DNMT3B: variants seen among roughly 807,000 people sequenced by gnomAD.
DNMT3B encodes DNA (cytosine-5)-methyltransferase 3B.
DNMT3B carries 37 observed loss-of-function variants against 120.2 expected under a neutral mutation model. The ratio of observed to expected loss-of-function variants is 0.31; its 90% CI spans 0.24 to 0.40. The LOEUF is 0.40. DNMT3B is among the 10% of genes least tolerant of loss of function. DNMT3B has a pLI of 1.00. For synonymous variants in DNMT3B, 412 were observed against 442.8 expected (o/e 0.93, Z 0.87); for missense variants, 878 against 1,137.3 (o/e 0.77, Z 3.28).
chr20:32,780,500 C>G (rs529125414), intron 2 of DNMT3B, 35 bp downstream of exon 2: 1 of 1,606,398 alleles, frequency 6.2e-7, no homozygotes, highest in African/African-American at 1.3e-5. Context: ...TGGTGTCAGG[C>G]GCTGACATAG....
At chr20:32,778,152 C>A (rs1374912352) in intron 1 of DNMT3B, among the ~76,000 whole-genome samples, 2 of 152,146 alleles carry the variant, frequency 1.3e-5, no homozygotes, top group Non-Finnish European at 2.9e-5. Flanking sequence ...TCCTGGCCAA[C>A]ATGGTGAAAC....
chr20:32,772,410 G>A (rs1022062603), intron 1 of DNMT3B, among the ~76,000 whole-genome samples: 2 of 152,218 alleles, frequency 1.3e-5, no homozygotes, highest in African/African-American at 4.8e-5. Flanking sequence ...GCAGCCTGCT[G>A]TGAGGGAGGG....
chr20:32,800,308 G>A lies in DNMT3B; in HGVS notation c.1905+10G>A, dbSNP rs1313937618. On this transcript the variant is annotated intron_variant, in intron 17 of 22. Coordinates refer to ENST00000328111, the MANE Select transcript of DNMT3B (RefSeq NM_006892.4). ...CATCACAAAGAAAAATGTGAGGGCA[G>A]TCTGTACCTTGCGGGCCTCATCTCT... 4 of 1,613,980 alleles carry A rather than the reference G, an allele frequency of 2.5e-6. No homozygotes were observed. Among genetic ancestry groups the A allele is most frequent in the South Asian group, 2.2e-5 (2 of 91,090 alleles).
intron 20 of DNMT3B, among the ~76,000 whole-genome samples, chr20:32,803,835 A>G (rs1490668494): frequency 6.6e-6 from 1 of 152,150 alleles, no homozygotes; most frequent in African/African-American, 2.4e-5. Flanking sequence ...TTAATGTGGT[A>G]CCGCTGAAAT....
At position 32,808,605 on chromosome 20, in the gene DNMT3B, GGGGCC is replaced by G. The variant is rs1982209954; in HGVS notation, c.*703_*707del. 1 of 231,350 alleles carries G rather than the reference GGGGCC, an allele frequency of 4.3e-6. No individual in the cohort carries two copies. Among genetic ancestry groups the G allele is most frequent in the Non-Finnish European group, 8.6e-6 (1 of 116,858 alleles). 14.3% of individuals were successfully genotyped at this position (231,350 alleles called of 1,614,324 possible). ...TTTTTCCCCCACAAACCCAAGGGCAGGGGCCACTCTTAGCTAAATCCCTCCCCGTG... is the reference window on the plus strand; with the variant it reads ...TTTTTCCCCCACAAACCCAAGGGCAGACTCTTAGCTAAATCCCTCCCCGTG... On this transcript the variant is annotated 3_prime_UTR_variant, in exon 23 of 23. Coordinates refer to ENST00000328111, the MANE Select transcript of DNMT3B (RefSeq NM_006892.4).
At chr20:32,777,035 G>A (rs988748160) in intron 1 of DNMT3B, among the ~76,000 whole-genome samples, 1 of 152,188 alleles carries the variant, frequency 6.6e-6, no homozygotes, top group Admixed American at 6.5e-5. Flanking sequence ...AAGGCAATGA[G>A]GGTAGTTAAT....
intron 10 of DNMT3B, 145 bp downstream of exon 10, chr20:32,793,740 C>T (rs899744260): frequency 4.4e-6 from 4 of 918,168 alleles, no homozygotes; most frequent in Non-Finnish European, 6.9e-6. Flanking sequence ...TCACATCCCA[C>T]CCTCACAAAT....
chr20:32,788,913 G>T lies in DNMT3B; in HGVS notation c.714G>T (p.Trp238Cys), dbSNP rs1979643369. ...GGGGAAAGATCAAGGGCTTCTCCTG[G>T]TGGCCCGCCATGGTGGTGTCTTGGA... Reference protein sequence around the residue: ...LVWGKIKGFSWWPAMVVSWKA... With the variant: ...LVWGKIKGFSCWPAMVVSWKA... The change falls in exon 7 of 23, where the codon TGG becomes TGT. Residue 238 changes from tryptophan to cysteine, a missense_variant. Transcript: ENST00000328111. The T allele has an allele frequency of 6.2e-7, 1 of 1,613,702 alleles. No individual in the cohort carries two copies.
At chr20:32,777,398 C>A (rs1393812021) in intron 1 of DNMT3B, among the ~76,000 whole-genome samples, 3 of 152,168 alleles carry the variant, frequency 2.0e-5, no homozygotes, top group Admixed American at 2.0e-4. Context: ...AGACTCCTGT[C>A]TGGCTTCTTG....
In DNMT3B at chr20:32,775,451, C is replaced by G. The variant is rs533297685; in HGVS notation, c.-6-4867C>G. Among the ~76,000 whole-genome samples, 8 of 152,330 alleles carry G rather than the reference C, an allele frequency of 5.3e-5. No homozygotes were observed. The South Asian group carries it at 1.5e-3, about 28-fold the overall frequency. On this transcript the variant is annotated intron_variant, in intron 1 of 22. Coordinates refer to ENST00000328111, the MANE Select transcript of DNMT3B (RefSeq NM_006892.4). The stretch of plus-strand genomic sequence containing the variant: ...GCGAGTCCCTGAGCCTCCTCTGAGT[C>G]TAATTGGGGGTTGCCACCTACCCCT...
At chr20:32,806,866 G>A (rs571125888) in intron 22 of DNMT3B, among the ~76,000 whole-genome samples, 2 of 152,278 alleles carry the variant, frequency 1.3e-5, no homozygotes, top group South Asian at 4.2e-4. Flanking sequence ...ATTTGCTATA[G>A]TGATTATGGC....
chr20:32,781,266 C>T, intron 2 of DNMT3B, 87 bp from the exon 3 acceptor site: 1 of 1,427,452 alleles, frequency 7.0e-7, no homozygotes, highest in Non-Finnish European at 9.9e-7. Flanking sequence ...CCAGGCCACG[C>T]CACGGAGAAA....
chr20:32,767,580 G>A (rs1430060731), intron 1 of DNMT3B, among the ~76,000 whole-genome samples: 2 of 152,016 alleles, frequency 1.3e-5, no homozygotes, highest in African/African-American at 4.8e-5. Flanking sequence ...CCTTAGTCAC[G>A]TGCCACCACG....
chr20:32,765,330 A>C (rs1298692336), intron 1 of DNMT3B, among the ~76,000 whole-genome samples: 1 of 151,786 alleles, frequency 6.6e-6, no homozygotes, highest in Non-Finnish European at 1.5e-5. Flanking sequence ...TCATGTTCTC[A>C]CTGGGACCCT....
At chr20:32,805,265 C>T (rs748413621) in intron 20 of DNMT3B, 73 bp from the exon 21 acceptor site, 609 of 1,574,754 alleles carry the variant, frequency 3.9e-4, no homozygotes, top group Non-Finnish European at 5.1e-4. Context: ...AACATAGACC[C>T]TCACTCCCAC....
At chr20:32,795,723 C>G in intron 12 of DNMT3B, 29 bp downstream of exon 12, 1 of 1,613,774 alleles carries the variant, frequency 6.2e-7, no homozygotes, top group South Asian at 1.1e-5. Context: ...CAGTCATCCC[C>G]CTCACACCCT....
chr20:32,800,980 G>T, intron 18 of DNMT3B, 55 bp downstream of exon 18: 2 of 1,600,612 alleles, frequency 1.2e-6, no homozygotes. Flanking sequence ...CTGACCACTG[G>T]CCCAGGTGCA....
chr20:32,805,233 C>A, intron 20 of DNMT3B, 105 bp from the exon 21 acceptor site: 1 of 1,374,708 alleles, frequency 7.3e-7, no homozygotes, highest in South Asian at 1.2e-5. Context: ...TAGCCAAGTT[C>A]ACTGCCAGGG....
chr20:32,777,232 T>C (rs1988111316), intron 1 of DNMT3B, among the ~76,000 whole-genome samples: 1 of 152,328 alleles, frequency 6.6e-6, no homozygotes, highest in South Asian at 2.1e-4. Flanking sequence ...GGTCTTGTTC[T>C]AGGGGCTTGA....
Sources: gnomAD v4.1 joint callset for allele counts (sites outside exome capture counted in the v4.1 genomes callset) on GRCh38, gnomAD v4.1.1 for gene constraint, MANE v1.5 for transcripts, NCBI Gene and HGNC (gene_info 2026-07-23, HGNC 2026-07-21) for gene names.